MEIS2: variants seen among roughly 807,000 people sequenced by gnomAD.
MEIS2 encodes the protein homeobox protein Meis2.
A neutral mutation model predicts 58.6 loss-of-function variants in MEIS2; 9 were observed. The ratio of observed to expected loss-of-function variants is 0.15; its 90% confidence interval spans 0.09 to 0.27. The LOEUF is 0.27. Among genes scored for constraint, MEIS2 ranks in the 10% least tolerant of loss-of-function variants. The pLI is 1.00. For missense variants in MEIS2, 427 were observed against 635.0 expected, an observed-to-expected ratio of 0.67 and a Z score of 3.52; for synonymous variants, 221 against 228.4, an observed-to-expected ratio of 0.97 and a Z score of 0.29.
chr15:37,078,605 CAAAAAAAAAAAAAAAAA>C (rs540405090), intron 7 of MEIS2, among the ~76,000 whole-genome samples: 1 of 69,412 alleles, frequency 1.4e-5, no homozygotes, highest in Non-Finnish European at 2.6e-5. Flanking sequence ...AAAAAACAAC[CAAAAAAAAAAAAAAAAA>C]AAAAAAAAAA....
intron 8 of MEIS2, among the ~76,000 whole-genome samples, chr15:37,002,326 A>G (rs1249584268): frequency 6.6e-6 from 1 of 150,476 alleles, no homozygotes; most frequent in Admixed American, 6.7e-5. Context: ...TCCTTAAAAC[A>G]TCTACTAATT....
At chr15:36,902,445 G>A (rs1172110756) in intron 9 of MEIS2, among the ~76,000 whole-genome samples, 1 of 152,132 alleles carries the variant, frequency 6.6e-6, no homozygotes, top group Non-Finnish European at 1.5e-5. Context: ...GAGCTCTTTT[G>A]GAATCACACT....
intron 8 of MEIS2, among the ~76,000 whole-genome samples, chr15:36,986,991 A>G (rs1342288176): frequency 6.6e-6 from 1 of 152,176 alleles, no homozygotes; most frequent in African/African-American, 2.4e-5. Flanking sequence ...GCTTGGAGAT[A>G]TGCTTGATGA....
At chr15:36,945,500 C>T (rs902686949) in intron 9 of MEIS2, among the ~76,000 whole-genome samples, 1 of 152,170 alleles carries the variant, frequency 6.6e-6, no homozygotes. Context: ...GGTTAATGAG[C>T]CTTCCTGAAG....
At chr15:36,935,192 T>C (rs1336959039) in intron 9 of MEIS2, among the ~76,000 whole-genome samples, 5 of 151,628 alleles carry the variant, frequency 3.3e-5, no homozygotes, top group South Asian at 2.1e-4. Flanking sequence ...TTTTCTTTTT[T>C]TTTTTTTTTT....
intron 8 of MEIS2, among the ~76,000 whole-genome samples, chr15:36,960,600 T>G (rs2059147624): frequency 6.6e-6 from 1 of 152,124 alleles, no homozygotes; most frequent in African/African-American, 2.4e-5. Flanking sequence ...GGAACTTGGC[T>G]GAAAGGTTCA....
At chr15:36,937,930 C>T (rs2058235264) in intron 9 of MEIS2, among the ~76,000 whole-genome samples, 1 of 152,166 alleles carries the variant, frequency 6.6e-6, no homozygotes, top group Admixed American at 6.5e-5. Context: ...GAAAGGCAGG[C>T]TTCTTACTTT....
intron 7 of MEIS2, among the ~76,000 whole-genome samples, chr15:37,063,418 C>A (rs1715183486): frequency 6.6e-6 from 1 of 152,114 alleles, no homozygotes; most frequent in African/African-American, 2.4e-5. Context: ...ATTAGATAGA[C>A]CTGATTTACA....
At chr15:36,897,038 G>A (rs887156179) in intron 9 of MEIS2, 2 of 207,824 alleles carry the variant, frequency 9.6e-6, no homozygotes, top group African/African-American at 2.3e-5. Flanking sequence ...GACTCCCCGT[G>A]ATAGGGAGAC....
chr15:37,073,362 T>C (rs1243843730), intron 7 of MEIS2, among the ~76,000 whole-genome samples: 1 of 151,878 alleles, frequency 6.6e-6, no homozygotes, highest in Non-Finnish European at 1.5e-5. Context: ...GTGTAAGAGT[T>C]ACTTGCACAT....
At chr15:36,959,974 G>C (rs1331300267) in intron 8 of MEIS2, among the ~76,000 whole-genome samples, 1 of 151,850 alleles carries the variant, frequency 6.6e-6, no homozygotes, top group Non-Finnish European at 1.5e-5. Context: ...AAGGAAATGA[G>C]GATTAGTGAT....
chr15:36,953,547 G>A (rs1352303796), intron 8 of MEIS2, among the ~76,000 whole-genome samples: 10 of 152,138 alleles, frequency 6.6e-5, no homozygotes, highest in Admixed American at 1.3e-4. Context: ...AAGAGCACAC[G>A]TCATTGTAAC....
intron 8 of MEIS2, among the ~76,000 whole-genome samples, chr15:37,023,210 C>A (rs939299547): frequency 6.6e-6 from 1 of 152,146 alleles, no homozygotes; most frequent in African/African-American, 2.4e-5. Flanking sequence ...ATAGTCATGT[C>A]TACTTCAAAA....
intron 8 of MEIS2, among the ~76,000 whole-genome samples, chr15:36,998,462 C>G (rs910510342): frequency 2.0e-5 from 3 of 152,050 alleles, no homozygotes; most frequent in African/African-American, 7.2e-5. Context: ...CTCAAGTGAT[C>G]CTTCCACCTC....
intron 9 of MEIS2, among the ~76,000 whole-genome samples, chr15:36,941,549 A>G (rs1249635663): frequency 6.6e-6 from 1 of 152,136 alleles, no homozygotes; most frequent in East Asian, 1.9e-4. Context: ...AACCATGTGC[A>G]GAGATCAAGA....
chr15:37,091,387 A>G (rs527470074), intron 6 of MEIS2, among the ~76,000 whole-genome samples: 1 of 152,320 alleles, frequency 6.6e-6, no homozygotes, highest in Admixed American at 6.5e-5. Flanking sequence ...GCTTCCTTTC[A>G]AAACAAATAG....
chr15:37,023,381 C>A (rs2061590946), intron 8 of MEIS2, among the ~76,000 whole-genome samples: 1 of 152,186 alleles, frequency 6.6e-6, no homozygotes, highest in African/African-American at 2.4e-5. Context: ...TCAGCCAGTG[C>A]CACGTCATGT....
At chr15:36,975,962 T>C (rs571920783) in intron 8 of MEIS2, among the ~76,000 whole-genome samples, 18 of 152,378 alleles carry the variant, frequency 1.2e-4, no homozygotes, top group African/African-American at 2.9e-4. Context: ...CAAAACATGA[T>C]GTACACTGTA....
intron 8 of MEIS2, among the ~76,000 whole-genome samples, chr15:36,951,203 C>G (rs1020265580): frequency 2.0e-5 from 3 of 152,182 alleles, no homozygotes; most frequent in Non-Finnish European, 2.9e-5. Flanking sequence ...TATCAAGACA[C>G]TTTCCTCTCT....
Sources: gnomAD v4.1 joint callset for allele counts (sites outside exome capture counted in the v4.1 genomes callset) on GRCh38, gnomAD v4.1.1 for gene constraint, MANE v1.5 for transcripts, NCBI Gene and HGNC (gene_info 2026-07-23, HGNC 2026-07-21) for gene names.